KTN1: variants seen among roughly 807,000 people sequenced by gnomAD.
KTN1 encodes the protein kinectin.
KTN1 carries 130 observed loss-of-function variants against 222.5 expected under a neutral mutation model. That is an observed-to-expected ratio of 0.58 (90% CI 0.51 to 0.68). The LOEUF (loss-of-function observed/expected upper bound fraction) is 0.68, where lower values mean the gene tolerates loss of function less well. Among genes scored for constraint, KTN1 ranks in the 30% least tolerant of loss-of-function variants. KTN1 has a pLI of 0.00. For missense variants in KTN1, 1,508 were observed against 1,500.4 expected, an observed-to-expected ratio of 1.01 and a Z score of -0.08; for synonymous variants, 512 against 496.3, an observed-to-expected ratio of 1.03 and a Z score of -0.42.
chr14:55,648,483 A>G (rs1405566810), intron 20 of KTN1, among the ~76,000 whole-genome samples: 1 of 152,266 alleles, frequency 6.6e-6, no homozygotes, highest in Non-Finnish European at 1.5e-5. Context: ...GGTTGCGGGA[A>G]GAAGTAAGTT....
At chr14:55,654,588 T>C (rs1288809784) in intron 28 of KTN1, among the ~76,000 whole-genome samples, 1 of 152,086 alleles carries the variant, frequency 6.6e-6, no homozygotes, top group Non-Finnish European at 1.5e-5. Context: ...ATTTTATTTT[T>C]TGTGGTGGAG....
rs1372436683 is a variant in KTN1 at position 55,667,465 on chromosome 14, TTTC to T, written c.3267+136_3267+138del. 3 of 483,994 alleles carry T rather than the reference TTTC, an allele frequency of 6.2e-6. No homozygotes were observed. The Admixed American group carries it at 1.2e-4, about 19-fold the overall frequency. The allele number at this position is 483,994 out of a possible 1,614,324, so 30.0% of individuals were successfully genotyped here. Reference sequence around the variant, plus strand: ...TCTTTCCTATTGTTAAGCTGGTGCTTTTCAGTAAAGATTAATAACTTGGTTCAA... The same window carrying T: ...TCTTTCCTATTGTTAAGCTGGTGCTTAGTAAAGATTAATAACTTGGTTCAA... On this transcript the variant is annotated intron_variant, in intron 34 of 43. Coordinates refer to ENST00000395314, the MANE Select transcript of KTN1 (RefSeq NM_001079521.2).
At chr14:55,585,720 T>A (rs1229235072) in intron 1 of KTN1, among the ~76,000 whole-genome samples, 1 of 152,038 alleles carries the variant, frequency 6.6e-6, no homozygotes, top group Non-Finnish European at 1.5e-5. Flanking sequence ...AATAAGTGAG[T>A]AGGAGAGTAA....
Position 55,637,469 on chromosome 14 carries a change from T to G in KTN1, c.1716+105T>G, listed in dbSNP as rs2041269654. The stretch of plus-strand genomic sequence containing the variant: ...AGTCTACCTTATCCTAATTCTGAAA[T>G]GATGATGAATAATTATAACTTTGTC... On this transcript the variant is annotated intron_variant, in intron 11 of 43. Coordinates refer to ENST00000395314, the MANE Select transcript of KTN1 (RefSeq NM_001079521.2). The G allele has an allele frequency of 3.7e-6, 3 of 819,044 alleles. No individual in the cohort carries two copies. The Admixed American group carries it at 9.3e-5, about 25-fold the overall frequency. The allele number at this position is 819,044 out of a possible 1,614,324, so 50.7% of individuals were successfully genotyped here.
intron 1 of KTN1, among the ~76,000 whole-genome samples, 153 bp downstream of exon 1, chr14:55,580,507 T>C (rs1399245185): frequency 6.7e-6 from 1 of 148,670 alleles, no homozygotes; most frequent in Non-Finnish European, 1.5e-5. Flanking sequence ...TGGGTAGGCC[T>C]CGGGCATCCG....
intron 7 of KTN1, 32 bp downstream of exon 7, chr14:55,630,129 A>G: frequency 6.3e-7 from 1 of 1,599,918 alleles, no homozygotes; most frequent in Admixed American, 1.7e-5. Context: ...ACAAGATGAA[A>G]TGGTTGCATT....
chr14:55,632,420 A>G (rs2040633696), intron 7 of KTN1, among the ~76,000 whole-genome samples: 1 of 152,208 alleles, frequency 6.6e-6, no homozygotes, highest in Non-Finnish European at 1.5e-5. Context: ...TTCATACAAA[A>G]ACATGTTCTT....
At chr14:55,664,658 A>G (rs962131426) in intron 33 of KTN1, among the ~76,000 whole-genome samples, 3 of 152,148 alleles carry the variant, frequency 2.0e-5, no homozygotes, top group South Asian at 2.1e-4. Context: ...CCTGAAATAT[A>G]TAGCCCCCTC....
In KTN1 at chr14:55,680,643, G is replaced by A. The variant is rs769602959; in HGVS notation, c.4069+958G>A. The A allele has an allele frequency of 4.0e-6, 5 of 1,238,812 alleles. No homozygotes were observed. In the South Asian group the frequency reaches 5.9e-5, roughly 15 times the overall value. 76.7% of individuals were successfully genotyped at this position (1,238,812 alleles called of 1,614,324 possible). ...TAGGTATCCTGGAAAAGTTGGGATG[G>A]ACTTCCATTTTGATCTTACAGGAGC... On this transcript the variant is annotated intron_variant, in intron 43 of 43. Coordinates refer to ENST00000395314, the MANE Select transcript of KTN1 (RefSeq NM_001079521.2).
chr14:55,661,696 CT>C, intron 32 of KTN1, 84 bp downstream of exon 32: 1 of 662,510 alleles, frequency 1.5e-6, no homozygotes, highest in Non-Finnish European at 2.5e-6. Flanking sequence ...TTTAAATCTA[CT>C]TTTACTTTAG....
At chr14:55,648,173 C>G (rs923922973) in intron 20 of KTN1, 58 bp downstream of exon 20, 8 of 853,214 alleles carry the variant, frequency 9.4e-6, no homozygotes, top group Non-Finnish European at 1.5e-5. Flanking sequence ...AAAAGGATTT[C>G]TCTGTAATTT....
At chr14:55,627,201 TTGACTC>T (rs1438201777) in intron 5 of KTN1, among the ~76,000 whole-genome samples, 1 of 152,216 alleles carries the variant, frequency 6.6e-6, no homozygotes, top group Non-Finnish European at 1.5e-5. Flanking sequence ...AATTACTGTC[TTGACTC>T]TGAGTTTAAA....
At chr14:55,609,037 C>T (rs1261654114) in intron 1 of KTN1, among the ~76,000 whole-genome samples, 1 of 146,164 alleles carries the variant, frequency 6.8e-6, no homozygotes, top group Non-Finnish European at 1.5e-5. Flanking sequence ...TTTTATTCTT[C>T]TAAAAAAAAA....
At chr14:55,660,930 A>G (rs1224720856) in intron 31 of KTN1, among the ~76,000 whole-genome samples, 1 of 152,170 alleles carries the variant, frequency 6.6e-6, no homozygotes. Flanking sequence ...GCTATTTGTT[A>G]TTTAACTTTC....
intron 33 of KTN1, among the ~76,000 whole-genome samples, chr14:55,666,873 T>A (rs889365448): frequency 6.6e-6 from 1 of 152,012 alleles, no homozygotes; most frequent in African/African-American, 2.4e-5. Context: ...GTTCCTCCAA[T>A]GTGTATTTTC....
chr14:55,637,910 T>C lies in KTN1; in HGVS notation c.1785+63T>C, dbSNP rs1041305069. ...GCAGCCATTTAAACACTCACCTGAATGTCTGTTGAGTGCCAATTACTGGAT... is the reference window on the plus strand; with the variant it reads ...GCAGCCATTTAAACACTCACCTGAACGTCTGTTGAGTGCCAATTACTGGAT... On this transcript the variant is annotated intron_variant, in intron 12 of 43. Transcript: ENST00000395314. The C allele has an allele frequency of 2.4e-6, 3 of 1,253,692 alleles. No homozygotes were observed. In the African/African-American group the frequency reaches 4.5e-5, roughly 19 times the overall value. The allele number at this position is 1,253,692 out of a possible 1,614,324, so 77.7% of individuals were successfully genotyped here.
intron 31 of KTN1, among the ~76,000 whole-genome samples, chr14:55,660,627 A>T (rs2044029301): frequency 6.6e-6 from 1 of 152,090 alleles, no homozygotes; most frequent in African/African-American, 2.4e-5. Context: ...TTGCTTGTGT[A>T]CTAGGTTAGA....
intron 1 of KTN1, among the ~76,000 whole-genome samples, chr14:55,595,943 A>C (rs2034944161): frequency 6.6e-6 from 1 of 152,144 alleles, no homozygotes; most frequent in African/African-American, 2.4e-5. Flanking sequence ...TCATGAGGTC[A>C]GGAGATCAAG....
chr14:55,636,412 G>A, intron 9 of KTN1, 37 bp from the exon 10 acceptor site: 2 of 1,467,746 alleles, frequency 1.4e-6, no homozygotes. Flanking sequence ...TTCTGTGTTT[G>A]TGCTAATTTA....
Sources: allele counts gnomAD v4.1 joint callset (sites outside exome capture counted in the v4.1 genomes callset), GRCh38; gene constraint gnomAD v4.1.1; transcripts MANE v1.5; gene names NCBI Gene and HGNC (gene_info 2026-07-23, HGNC 2026-07-21).